Variants in DUSP16 observed in about 807,000 individuals in gnomAD.
DUSP16 encodes dual specificity phosphatase 16.
A neutral mutation model predicts 58.3 loss-of-function variants in DUSP16; 21 were observed. The observed-to-expected ratio is 0.36, with a 90% CI of 0.26 to 0.52. The LOEUF is 0.52. Among genes scored for constraint, DUSP16 ranks in the 20% least tolerant of loss-of-function variants. The pLI, the probability that DUSP16 is intolerant of heterozygous loss-of-function variation, is 0.94. For synonymous variants in DUSP16, 320 were observed against 323.8 expected (o/e 0.99, Z 0.12); for missense variants, 726 against 819.0 (o/e 0.89, Z 1.39).
chr12:12,543,538 C>T (rs1944596208), intron 1 of DUSP16, among the ~76,000 whole-genome samples: 1 of 151,824 alleles, frequency 6.6e-6, no homozygotes. Context: ...ATATAAATAC[C>T]TGCCCAAGTA....
At chr12:12,537,904 T>C (rs1422566247) in intron 1 of DUSP16, among the ~76,000 whole-genome samples, 1 of 152,102 alleles carries the variant, frequency 6.6e-6, no homozygotes, top group Non-Finnish European at 1.5e-5. Flanking sequence ...AAAAATTAAA[T>C]GAGTTAGTAG....
intron 1 of DUSP16, among the ~76,000 whole-genome samples, chr12:12,553,152 GGACA>G (rs1354408167): frequency 1.3e-5 from 2 of 152,056 alleles, no homozygotes; most frequent in African/African-American, 4.8e-5. Context: ...TGTTAAGTAT[GGACA>G]GACATAGTCT....
chr12:12,540,142 A>C (rs1182997932), intron 1 of DUSP16, among the ~76,000 whole-genome samples: 1 of 151,392 alleles, frequency 6.6e-6, no homozygotes, highest in Non-Finnish European at 1.5e-5. Context: ...AAAAAAAAAA[A>C]AACTAAAAAA....
At chr12:12,544,199 C>G (rs191249921) in intron 1 of DUSP16, among the ~76,000 whole-genome samples, 4 of 152,214 alleles carry the variant, frequency 2.6e-5, no homozygotes. Flanking sequence ...ACTTCTTATA[C>G]CATGGCTGAG....
At chr12:12,539,839 T>A (rs1944525079) in intron 1 of DUSP16, among the ~76,000 whole-genome samples, 1 of 149,854 alleles carries the variant, frequency 6.7e-6, no homozygotes, top group Non-Finnish European at 1.5e-5. Flanking sequence ...CCATTTGAGG[T>A]CAGGAGTTCA....
At chr12:12,547,293 G>C (rs891411975) in intron 1 of DUSP16, among the ~76,000 whole-genome samples, 1 of 151,812 alleles carries the variant, frequency 6.6e-6, no homozygotes, top group African/African-American at 2.4e-5. Context: ...GCCGGGCGTG[G>C]TGGTGCCCAC....
intron 1 of DUSP16, among the ~76,000 whole-genome samples, chr12:12,557,521 TTTTC>T (rs942006334): frequency 4.3e-4 from 66 of 152,282 alleles, no homozygotes; most frequent in African/African-American, 1.5e-3. Flanking sequence ...ATAGGTTTCT[TTTTC>T]TTTAATTCCC....
chr12:12,544,914 AT>A lies in DUSP16; in HGVS notation c.-366+17202del, dbSNP rs1944619266. On this transcript the variant is annotated intron_variant, in intron 1 of 6. Transcript: ENST00000298573. ...TCTTTCCACATTGCTGTAAAGTGCCATTTTAATCATAAATTAGTATCTACAT... is the reference window on the plus strand; with the variant it reads ...TCTTTCCACATTGCTGTAAAGTGCCATTTAATCATAAATTAGTATCTACAT... 2.0e-5 allele frequency among the ~76,000 whole-genome samples: 3 copies of A among 152,180 alleles called. No homozygotes were observed. The South Asian group carries it at 6.2e-4, about 32-fold the overall frequency.
chr12:12,477,507 G>A lies in DUSP16; in HGVS notation c.1324C>T (p.Leu442=). 2 of 1,599,006 alleles carry A rather than the reference G, an allele frequency of 1.3e-6. No homozygotes were observed. Among genetic ancestry groups the A allele is most frequent in the South Asian group, 2.3e-5 (2 of 88,738 alleles). The change falls in exon 7 of 7, where the codon CTA becomes TTA. Residue 442 remains leucine (L), a synonymous_variant. Coordinates refer to ENST00000298573, the MANE Select transcript of DUSP16 (RefSeq NM_030640.3). This position sits in a 1 kb window ranked among gnomAD's most constrained non-coding sequence, Gnocchi z 4.1. The stretch of plus-strand genomic sequence containing the variant: ...TCCTGAACAGGGGAGAACTGGCATA[G>A]CTTGTTGGTCCCATCCAGAGTAGTG... ...PSTTLDGTNK[L]CQFSPVQELS... is the part of the protein sequence containing the mutation.
At position 12,477,056 on chromosome 12, in the gene DUSP16, T is replaced by C; in HGVS notation, c.1775A>G (p.Asp592Gly). The C allele has an allele frequency of 6.2e-7, 1 of 1,614,232 alleles. No individual in the cohort carries two copies. Among genetic ancestry groups the C allele is most frequent in the Non-Finnish European group, 8.5e-7 (1 of 1,180,052 alleles). ...CCGCCTGCGCACAGAATAGACTTGG[T>C]CTCCGCAAGTGGGCAGCTGGCTGCA... The part of the protein sequence containing the change: ...YSCSQLPTCG[D>G]QVYSVRRRQK... Residue 592 changes from aspartate to glycine, a missense_variant, in exon 7 of 7, where the codon GAC becomes GGC. Physicochemically the swap from Asp to Gly is moderately conservative, Grantham distance 94 (BLOSUM62 -1). Transcript: ENST00000298573. This position sits in a 1 kb window ranked among gnomAD's most constrained non-coding sequence, Gnocchi z 4.1.
intron 3 of DUSP16, among the ~76,000 whole-genome samples, chr12:12,510,156 A>C (rs1944054585): frequency 6.6e-6 from 1 of 152,136 alleles, no homozygotes; most frequent in South Asian, 2.1e-4. Flanking sequence ...TCAGGGAATC[A>C]GGGCACATCC....
At chr12:12,557,611 G>C (rs1944828125) in intron 1 of DUSP16, among the ~76,000 whole-genome samples, 1 of 152,062 alleles carries the variant, frequency 6.6e-6, no homozygotes, top group African/African-American at 2.4e-5. Flanking sequence ...ATATTAAAAA[G>C]TTATAACATG....
chr12:12,532,061 GGC>G (rs1389228980), intron 1 of DUSP16, among the ~76,000 whole-genome samples: 7 of 152,160 alleles, frequency 4.6e-5, no homozygotes, highest in Non-Finnish European at 1.0e-4. Flanking sequence ...GGGAGGCTGA[GGC>G]AGGAGAATGG....
intron 1 of DUSP16, among the ~76,000 whole-genome samples, chr12:12,528,593 T>G (rs1234398693): frequency 2.0e-5 from 3 of 152,194 alleles, no homozygotes; most frequent in African/African-American, 7.2e-5. Context: ...CTGTAACTAA[T>G]TCAGTCAACT....
In DUSP16 at chr12:12,474,521, C is replaced by T. The variant is rs1278769788; in HGVS notation, c.*2312G>A. 1 of 152,376 alleles carries T rather than the reference C, an allele frequency of 6.6e-6. No individual in the cohort carries two copies. The highest frequency in any genetic ancestry group is 1.5e-5 in the Non-Finnish European group (1 of 68,058). 9.4% of individuals were successfully genotyped at this position (152,376 alleles called of 1,614,324 possible). ...ATGCTGAAGAGAGCCAGCCACCACCCCACCTAAAGACATCCAAGCAGCTCC... is the reference window on the plus strand; with the variant it reads ...ATGCTGAAGAGAGCCAGCCACCACCTCACCTAAAGACATCCAAGCAGCTCC... On this transcript the variant is annotated 3_prime_UTR_variant, in exon 7 of 7. Coordinates refer to ENST00000298573, the MANE Select transcript of DUSP16 (RefSeq NM_030640.3).
In DUSP16 at chr12:12,476,908, C is replaced by CCAA; in HGVS notation, c.1922_1923insTTG (p.Arg641delinsSerTrp). On this transcript the variant is annotated protein_altering_variant, in exon 7 of 7. Transcript: ENST00000298573. ...CCACTTTCCCCAGCTCTTCCCGTGA[C>CCAA]CTGTTCTCTGACATGATGCTCTCTC... 1 of 1,613,988 alleles carries CCAA rather than the reference C, an allele frequency of 6.2e-7. No homozygotes were observed. Among genetic ancestry groups the CCAA allele is most frequent in the Non-Finnish European group, 8.5e-7 (1 of 1,180,042 alleles).
At chr12:12,481,874 T>TCTGCCCTA (rs1207475715) in intron 5 of DUSP16, among the ~76,000 whole-genome samples, 3 of 152,188 alleles carry the variant, frequency 2.0e-5, no homozygotes, top group Non-Finnish European at 4.4e-5. Flanking sequence ...TCCTTCCCTT[T>TCTGCCCTA]CTGCCCTACT....
chr12:12,538,177 T>C (rs892720324), intron 1 of DUSP16, among the ~76,000 whole-genome samples: 5 of 152,206 alleles, frequency 3.3e-5, no homozygotes, highest in Non-Finnish European at 5.9e-5. Flanking sequence ...TAAAGACATC[T>C]ATCCTAAAGA....
Position 12,487,104 on chromosome 12 carries a change from A to T in DUSP16, c.615T>A (p.His205Gln), listed in dbSNP as rs1301774036. The T allele has an allele frequency of 6.8e-6, 11 of 1,614,192 alleles. No homozygotes were observed. The highest frequency in any genetic ancestry group is 9.3e-6 in the Non-Finnish European group (11 of 1,180,022). The change falls in exon 5 of 7, where the codon CAT becomes CAA. Residue 205 changes from histidine (H) to glutamine (Q), a missense_variant. Transcript: ENST00000298573. The part of the protein sequence containing the change: ...CPKPDFIPES[H>Q]FLRVPVNDSF... ...TGTCATTCACAGGCACACGCAGGAA[A>T]TGAGACTCGGGGATAAAGTCAGGCT...
Sources: gnomAD v4.1 joint callset for allele counts (sites outside exome capture counted in the v4.1 genomes callset) on GRCh38, gnomAD v4.1.1 for gene constraint, Gnocchi (gnomAD v3.1) non-coding constraint, MANE v1.5 for transcripts, NCBI Gene and HGNC (gene_info 2026-07-23, HGNC 2026-07-21) for gene names.